Variants in PI4KB observed in about 807,000 individuals in gnomAD.
The protein encoded by PI4KB is phosphatidylinositol 4-kinase beta, also known as PtdIns 4-kinase beta.
PI4KB carries 23 observed loss-of-function variants against 81.4 expected under a neutral mutation model. The ratio of observed to expected loss-of-function variants is 0.28; its 90% CI spans 0.20 to 0.40. The LOEUF is 0.40. PI4KB is among the 10% of genes least tolerant of loss of function. The pLI, the probability that PI4KB is intolerant of heterozygous loss-of-function variation, is 1.00. For missense variants in PI4KB, 651 were observed against 1,036.6 expected (o/e 0.63, Z 5.11); for synonymous variants, 381 against 406.8 (o/e 0.94, Z 0.76).
At chr1:151,293,314 G>A (rs1557781428) in intron 11 of PI4KB, 4 of 1,378,658 alleles carry the variant, frequency 2.9e-6, no homozygotes, top group African/African-American at 2.9e-5. Flanking sequence ...CCAGAGGGCA[G>A]GCTGGGAGGA....
At chr1:151,294,246 C>T (rs1402605416) in intron 10 of PI4KB, 108 bp from the exon 11 acceptor site, 2 of 1,499,284 alleles carry the variant, frequency 1.3e-6, no homozygotes, top group Non-Finnish European at 1.8e-6. Context: ...CCTGTTATTT[C>T]CCCCTTCCTT....
intron 1 of PI4KB, chr1:151,326,288 A>C: frequency 8.9e-7 from 1 of 1,125,356 alleles, no homozygotes; most frequent in Non-Finnish European, 1.3e-6. Context: ...CTTCAGAAAC[A>C]CCCTTCTGTC....
chr1:151,294,667 C>G (rs1270310358), intron 9 of PI4KB, 126 bp from the exon 10 acceptor site: 6 of 757,538 alleles, frequency 7.9e-6, no homozygotes, highest in Non-Finnish European at 1.3e-5. Flanking sequence ...TTCCTGCTGC[C>G]CGTAACTCCA....
chr1:151,320,190 C>T (rs1423630923), intron 1 of PI4KB, among the ~76,000 whole-genome samples: 2 of 152,154 alleles, frequency 1.3e-5, no homozygotes, highest in East Asian at 1.9e-4. Flanking sequence ...CCCGCCACCA[C>T]GCCCGGCTAA....
Position 151,315,874 on chromosome 1 carries a change from C to A in PI4KB, c.608G>T (p.Arg203Leu), listed in dbSNP as rs766903450. ...CTGGAGGGAAAAGTTAATGCTCTGG[C>A]GGCAACGGTGGACTATGTAGGGCTT... ...AIKPYIVHRC[R>L]QSINFSLQCA... The change falls in exon 2 of 12, where the codon CGC becomes CTC. Residue 203 changes from arginine (R) to leucine (L), a missense_variant. By Grantham distance (102) the Arg-to-Leu change is moderately radical. This residue lies in a region of PI4KB where 314 missense variants were observed against 397.8 expected (regional missense o/e 0.79). Transcript: ENST00000368873. 3 of 1,613,896 alleles carry A rather than the reference C, an allele frequency of 1.9e-6. No homozygotes were observed. The highest frequency in any genetic ancestry group is 1.7e-6 in the Non-Finnish European group (2 of 1,179,998).
chr1:151,294,211 C>T lies in PI4KB; in HGVS notation c.2149-73G>A, dbSNP rs919539141. 7 of 1,549,340 alleles carry T rather than the reference C, an allele frequency of 4.5e-6. No homozygotes were observed. In the African/African-American group the frequency reaches 5.5e-5, roughly 12 times the overall value. ...GATGGTCCCTGTCCTGACTGGCCTA[C>T]CAGAACTCCTCCTCCTCTTGGGGCC... is the stretch of plus-strand genomic sequence containing the variant. On this transcript the variant is annotated intron_variant, in intron 10 of 11. Transcript: ENST00000368873.
At chr1:151,315,484 A>G in intron 2 of PI4KB, 89 bp downstream of exon 2, 1 of 846,806 alleles carries the variant, frequency 1.2e-6, no homozygotes, top group Non-Finnish European at 2.0e-6. Context: ...GACAGAAAGA[A>G]CAGCGTAACC....
chr1:151,299,101 CTCTTA>C, intron 8 of PI4KB, 28 bp from the exon 9 acceptor site: 1 of 1,599,982 alleles, frequency 6.3e-7, no homozygotes, highest in Non-Finnish European at 8.6e-7. Context: ...GGATACAGGA[CTCTTA>C]TCTTTCTCCA....
intron 5 of PI4KB, among the ~76,000 whole-genome samples, chr1:151,304,829 CTTT>C (rs768438395): frequency 2.2e-5 from 3 of 138,502 alleles, no homozygotes; most frequent in East Asian, 2.1e-4. Flanking sequence ...CCACACCTGG[CTTT>C]TTTTTTTTTT....
intron 9 of PI4KB, among the ~76,000 whole-genome samples, chr1:151,295,983 C>T (rs587600304): frequency 6.6e-5 from 10 of 152,312 alleles, no homozygotes; most frequent in South Asian, 2.1e-4. Flanking sequence ...CAGTGGCTCA[C>T]GCCTGTAATC....
At chr1:151,325,664 C>T in intron 1 of PI4KB, among the ~76,000 whole-genome samples, 1 of 152,138 alleles carries the variant, frequency 6.6e-6, no homozygotes, top group East Asian at 1.9e-4. Context: ...TGGAGCTTGT[C>T]TTTCAAAATG....
chr1:151,327,535 A>G, upstream of PI4KB: 1 of 391,766 alleles, frequency 2.6e-6, no homozygotes, highest in South Asian at 1.4e-4. Context: ...ATAAAATAAA[A>G]TAAAATTCCC....
chr1:151,300,093 G>A (rs1453112900), intron 8 of PI4KB, among the ~76,000 whole-genome samples: 1 of 152,200 alleles, frequency 6.6e-6, no homozygotes, highest in Non-Finnish European at 1.5e-5. Context: ...TGTTTACAAT[G>A]ATTGTGCCAC....
chr1:151,322,584 C>T (rs771428864), intron 1 of PI4KB, among the ~76,000 whole-genome samples: 3 of 152,078 alleles, frequency 2.0e-5, no homozygotes, highest in Admixed American at 6.6e-5. Flanking sequence ...GATTGGTTTG[C>T]ACCAATTCTG....
Position 151,315,796 on chromosome 1 carries a change from C to T in PI4KB, c.686G>A (p.Arg229Gln). The stretch of plus-strand genomic sequence containing the variant: ...CCGTAGCTTGGTCCCACGGGAGTGT[C>T]GTTGAGTGGAAATGTGCATGTCTGA... ...YSSDMHISTQ[R>Q]HSRGTKLRKL... Residue 229 changes from arginine (R) to glutamine (Q), a missense_variant, in exon 2 of 12, where the codon CGA (arginine) becomes CAA (glutamine). By Grantham distance (43) the Arg-to-Gln change is conservative. Around this residue, in one of 5 missense-constraint regions of PI4KB, gnomAD observed 314 missense variants for 397.8 expected, o/e 0.79. Transcript: ENST00000368873. 1.2e-6 allele frequency: 2 copies of T among 1,612,398 alleles called. No homozygotes were observed. The highest frequency in any genetic ancestry group is 1.7e-6 in the Non-Finnish European group (2 of 1,179,056).
At chr1:151,302,398 C>T (rs1028105240) in intron 6 of PI4KB, 100 bp from the exon 7 acceptor site, 7 of 828,500 alleles carry the variant, frequency 8.4e-6, no homozygotes, top group Admixed American at 2.0e-5. Context: ...GGATTCTGGA[C>T]ACACAAAGAT....
In PI4KB at chr1:151,298,983, C is replaced by T. The variant is rs1463373604; in HGVS notation, c.1840G>A (p.Val614Ile). The change falls in exon 9 of 12, where the codon GTC becomes ATC. Residue 614 changes from valine to isoleucine, a missense_variant. Transcript: ENST00000368873. ...SADSGMIEPVVNAVSIHQVKK... is the reference protein window; with the variant it reads ...SADSGMIEPVINAVSIHQVKK... ...ACCTGATGGATGGACACAGCATTGA[C>T]CACTGGTTCAATCATGCCACTATCA... 1 of 1,613,894 alleles carries T rather than the reference C, an allele frequency of 6.2e-7. No individual in the cohort carries two copies.
intron 3 of PI4KB, 42 bp downstream of exon 3, chr1:151,310,169 C>G (rs777593735): frequency 2.7e-6 from 4 of 1,486,746 alleles, no homozygotes; most frequent in Non-Finnish European, 3.7e-6. Flanking sequence ...AATGCGGCCA[C>G]TGGGGGAGCC....
rs375599986 is a variant in PI4KB at position 151,316,385 on chromosome 1, T to A, written c.97A>T (p.Ile33Phe). The A allele has an allele frequency of 1.2e-6, 2 of 1,606,156 alleles. No individual in the cohort carries two copies. The highest frequency in any genetic ancestry group is 1.7e-6 in the Non-Finnish European group (2 of 1,176,034). The change falls in exon 2 of 12, where the codon ATC (isoleucine) becomes TTC (phenylalanine). Residue 33 changes from isoleucine (I) to phenylalanine (F), a missense_variant. Transcript: ENST00000368873. ...GNNGGSLLSV[I>F]TEGVGELSVI... Reference sequence around the variant, plus strand: ...GATAGTTCCCCGACCCCCTCCGTGATGACACTTAGCAGGGACCCCCCATTA... The same window carrying A: ...GATAGTTCCCCGACCCCCTCCGTGAAGACACTTAGCAGGGACCCCCCATTA...
Sources: allele counts gnomAD v4.1 joint callset (sites outside exome capture counted in the v4.1 genomes callset), GRCh38; gene constraint gnomAD v4.1.1; regional missense constraint gnomAD v4.1.1; transcripts MANE v1.5; gene names NCBI Gene and HGNC (gene_info 2026-07-23, HGNC 2026-07-21).